Variants in KIAA1217 observed in about 807,000 individuals in gnomAD.
The protein encoded by KIAA1217 is sickle tail protein homolog.
A neutral mutation model predicts 163.9 loss-of-function variants in KIAA1217; 88 were observed. The observed-to-expected ratio is 0.54, with a 90% CI of 0.45 to 0.64. The LOEUF is 0.64. Among genes scored for constraint, KIAA1217 ranks in the 30% least tolerant of loss-of-function variants. The pLI, the probability that KIAA1217 is intolerant of heterozygous loss-of-function variation, is 0.00. For missense variants in KIAA1217, 2,372 were observed against 2,475.0 expected, an observed-to-expected ratio of 0.96 and a Z score of 0.88; for synonymous variants, 903 against 923.1, an observed-to-expected ratio of 0.98 and a Z score of 0.39.
chr10:23,897,765 C>T (rs1841769350), intron 1 of KIAA1217, among the ~76,000 whole-genome samples: 2 of 151,334 alleles, frequency 1.3e-5, no homozygotes, highest in African/African-American at 2.4e-5. Flanking sequence ...TCATATGGAA[C>T]CAAAATATAA....
chr10:23,818,022 T>TATAC (rs1564448016), intron 1 of KIAA1217, among the ~76,000 whole-genome samples: 1 of 128,768 alleles, frequency 7.8e-6, no homozygotes, highest in African/African-American at 3.1e-5. Flanking sequence ...CACATATATA[T>TATAC]ACACACATAT....
intron 1 of KIAA1217, among the ~76,000 whole-genome samples, chr10:23,785,629 C>T (rs1217284545): frequency 6.6e-6 from 1 of 152,128 alleles, no homozygotes; most frequent in African/African-American, 2.4e-5. Flanking sequence ...TGAACATGGA[C>T]ATGTTATTTA....
chr10:23,726,392 A>C (rs905079160), intron 1 of KIAA1217, among the ~76,000 whole-genome samples: 8 of 150,768 alleles, frequency 5.3e-5, no homozygotes, highest in African/African-American at 1.9e-4. Flanking sequence ...ATTATACTTT[A>C]AGTTTTAGGG....
At chr10:23,996,280 G>A (rs550771121) in intron 1 of KIAA1217, among the ~76,000 whole-genome samples, 5 of 152,268 alleles carry the variant, frequency 3.3e-5, no homozygotes, top group South Asian at 4.2e-4. Context: ...TCAAGTTATT[G>A]TAGTTGTGCT....
chr10:24,439,855 G>A (rs752495526), intron 5 of KIAA1217, among the ~76,000 whole-genome samples: 5 of 152,096 alleles, frequency 3.3e-5, no homozygotes, highest in African/African-American at 4.8e-5. Context: ...CCTATTTCAA[G>A]GTCAGCTGAC....
chr10:24,017,141 C>T (rs990327834), intron 2 of KIAA1217, among the ~76,000 whole-genome samples: 5 of 149,688 alleles, frequency 3.3e-5, no homozygotes, highest in South Asian at 2.1e-4. Flanking sequence ...CAGCCTTGAA[C>T]TCAGGGGCTC....
chr10:24,092,904 AGTGTGTGT>A (rs149427130), intron 2 of KIAA1217, among the ~76,000 whole-genome samples: 5 of 145,014 alleles, frequency 3.4e-5, no homozygotes, highest in African/African-American at 8.0e-5. Context: ...GTGTATGTAT[AGTGTGTGT>A]GTGTGTGTGT....
At position 24,090,332 on chromosome 10, in the gene KIAA1217, C is replaced by CT. The variant is rs35966270; in HGVS notation, c.-171+82986dup. 6.2e-3 allele frequency among the ~76,000 whole-genome samples: 366 copies of CT among 58,936 alleles called. 74 individuals are homozygous for CT. The highest frequency in any genetic ancestry group is 0.011 in the East Asian group (25 of 2,292). 38.7% of individuals were successfully genotyped at this position (58,936 alleles called of 152,430 possible). On this transcript the variant is annotated intron_variant, in intron 2 of 18. Transcript: ENST00000376462. ...CAGGCATGCACCCTCACATCCTGCT[C>CT]TTTTTTTTTTTTTTTTTTTTTTTTT...
intron 1 of KIAA1217, among the ~76,000 whole-genome samples, chr10:23,796,235 G>A (rs11013711): frequency 6.6e-6 from 1 of 152,142 alleles, no homozygotes; most frequent in South Asian, 2.1e-4. Context: ...TCTTGACCCT[G>A]ACCCTCTAAA....
chr10:24,320,016 A>T (rs115063319), intron 2 of KIAA1217, among the ~76,000 whole-genome samples: 1 of 152,008 alleles, frequency 6.6e-6, no homozygotes, highest in African/African-American at 2.4e-5. Context: ...AAACTCCCAA[A>T]TTTTTTTTGC....
chr10:24,403,204 T>A (rs1374823338), intron 3 of KIAA1217, among the ~76,000 whole-genome samples: 1 of 152,180 alleles, frequency 6.6e-6, no homozygotes, highest in Non-Finnish European at 1.5e-5. Flanking sequence ...GAAAAGTTGA[T>A]AATTGGATCT....
Position 24,434,479 on chromosome 10 carries a change from C to T in KIAA1217, c.752+1286C>T, listed in dbSNP as rs185972029. Among the ~76,000 whole-genome samples the T allele has an allele frequency of 6.5e-4, 99 of 152,242 alleles. 3 individuals are homozygous for T. The East Asian group carries it at 0.01, about 16-fold the overall frequency. Reference sequence around the variant, plus strand: ...CTGCCTTCCGAGTAGCTGGCACTACCGGCACATGCCACCATATCTGGCTAA... The same window carrying T: ...CTGCCTTCCGAGTAGCTGGCACTACTGGCACATGCCACCATATCTGGCTAA... On this transcript the variant is annotated intron_variant, in intron 4 of 20. Coordinates refer to ENST00000376454, the MANE Select transcript of KIAA1217 (RefSeq NM_019590.5).
chr10:24,026,127 T>C (rs1195603978), intron 2 of KIAA1217, among the ~76,000 whole-genome samples: 1 of 151,892 alleles, frequency 6.6e-6, no homozygotes, highest in Admixed American at 6.6e-5. Flanking sequence ...TTCTACTTGG[T>C]CTACTTGTAT....
At chr10:23,856,194 G>T (rs550010203) in intron 1 of KIAA1217, among the ~76,000 whole-genome samples, 1 of 152,102 alleles carries the variant, frequency 6.6e-6, no homozygotes, top group Non-Finnish European at 1.5e-5. Context: ...TTTTTGGTGC[G>T]GATGTCCTTT....
intron 2 of KIAA1217, among the ~76,000 whole-genome samples, chr10:24,322,877 C>G (rs997078019): frequency 2.6e-4 from 40 of 152,194 alleles, no homozygotes; most frequent in African/African-American, 8.9e-4. Context: ...AATAAAACAA[C>G]TTCTTTAGAA....
intron 1 of KIAA1217, among the ~76,000 whole-genome samples, chr10:23,767,506 T>A (rs1171423718): frequency 1.3e-5 from 2 of 151,840 alleles, no homozygotes; most frequent in African/African-American, 4.8e-5. Flanking sequence ...GAGGCTGAGG[T>A]GGGAGGATTG....
Position 24,231,100 on chromosome 10 carries a change from T to A in KIAA1217, c.354+11191T>A, listed in dbSNP as rs563329520. ...GATTTAACGCTCATCCTGCAATGGA[T>A]GAAGTGCCAGCGTCCTGGTTGGATT... On this transcript the variant is annotated intron_variant, in intron 2 of 20. Coordinates refer to ENST00000376454, the MANE Select transcript of KIAA1217 (RefSeq NM_019590.5). Among the ~76,000 whole-genome samples the A allele has an allele frequency of 3.9e-5, 6 of 152,316 alleles. No individual in the cohort carries two copies. The East Asian group carries it at 1.2e-3, about 29-fold the overall frequency.
chr10:24,153,210 A>T (rs146650178), intron 2 of KIAA1217, among the ~76,000 whole-genome samples: 1 of 152,232 alleles, frequency 6.6e-6, no homozygotes, highest in Non-Finnish European at 1.5e-5. Flanking sequence ...AACTCTTCAT[A>T]TAACATTAAG....
chr10:23,874,080 G>C (rs960188540), intron 1 of KIAA1217, among the ~76,000 whole-genome samples: 1 of 152,092 alleles, frequency 6.6e-6, no homozygotes, highest in African/African-American at 2.4e-5. Context: ...TATCATTTCT[G>C]TAGTTCACCC....
Sources: allele counts gnomAD v4.1 joint callset (sites outside exome capture counted in the v4.1 genomes callset), GRCh38; gene constraint gnomAD v4.1.1; transcripts MANE v1.5; gene names NCBI Gene and HGNC (gene_info 2026-07-23, HGNC 2026-07-21).